GLP1R: variants seen among roughly 807,000 people sequenced by gnomAD.
GLP1R encodes glucagon-like peptide 1 receptor.
GLP1R carries 32 observed loss-of-function variants against 68.4 expected under a neutral mutation model. The observed-to-expected ratio is 0.47, with a 90% confidence interval of 0.35 to 0.63. The LOEUF is 0.63. Among genes scored for constraint, GLP1R ranks in the 20% least tolerant of loss-of-function variants. The probability of loss-of-function intolerance (pLI) is 0.00; values close to 1 mark genes in which losing one functional copy is unlikely to be tolerated. For missense variants in GLP1R, 502 were observed against 594.9 expected (o/e 0.84, Z 1.62); for synonymous variants, 263 against 244.4 (o/e 1.08, Z -0.71).
chr6:39,082,854 C>G (rs555816064), intron 12 of GLP1R, among the ~76,000 whole-genome samples: 1 of 152,088 alleles, frequency 6.6e-6, no homozygotes, highest in South Asian at 2.1e-4. Context: ...CTTGACCCCC[C>G]CACGTCCCCG....
At chr6:39,052,130 C>T (rs990630483) in intron 1 of GLP1R, among the ~76,000 whole-genome samples, 2 of 151,636 alleles carry the variant, frequency 1.3e-5, no homozygotes, top group South Asian at 4.2e-4. Context: ...TGTGATGATG[C>T]GTGTGACCGT....
chr6:39,065,739 C>T lies in GLP1R; in HGVS notation c.312C>T (p.Cys104=). 1 of 1,574,658 alleles carries T rather than the reference C, an allele frequency of 6.4e-7. No homozygotes were observed. Among genetic ancestry groups the T allele is most frequent in the Non-Finnish European group, 8.6e-7 (1 of 1,159,574 alleles). Residue 104 remains cysteine (C), a synonymous_variant, in exon 4 of 13, where the codon TGC becomes TGT. Transcript: ENST00000373256. ...SVPQGHVYRF[C]TAEGLWLQKD... ...CGCAGGGCCACGTGTACCGGTTCTGCACAGCTGAAGGCCTCTGGCTGCAGA... is the reference window on the plus strand; with the variant it reads ...CGCAGGGCCACGTGTACCGGTTCTGTACAGCTGAAGGCCTCTGGCTGCAGA...
At chr6:39,058,947 A>G (rs1768286889) in intron 3 of GLP1R, among the ~76,000 whole-genome samples, 1 of 152,232 alleles carries the variant, frequency 6.6e-6, no homozygotes. Flanking sequence ...GCATGAGGTT[A>G]TGCTCTGGGG....
intron 3 of GLP1R, among the ~76,000 whole-genome samples, chr6:39,063,041 C>A (rs1331845014): frequency 6.6e-6 from 1 of 152,224 alleles, no homozygotes; most frequent in Non-Finnish European, 1.5e-5. Context: ...ATCTTACTAG[C>A]ATCACACGGT....
chr6:39,086,909 T>C lies in GLP1R; in HGVS notation c.*836T>C, dbSNP rs1020316078. On this transcript the variant is annotated 3_prime_UTR_variant, in exon 13 of 13. Transcript: ENST00000373256. The surrounding 1 kb of genome is among the most constrained non-coding windows in gnomAD (Gnocchi z 4.5). ...CTCTGGGGTTCATCTAGGGACACGT[T>C]AGGAATGTCCAGACTGTGGGTGTAG... 1.3e-5 allele frequency: 2 copies of C among 152,698 alleles called. No individual in the cohort carries two copies. Among genetic ancestry groups the C allele is most frequent in the South Asian group, 4.1e-4 (2 of 4,820 alleles). 9.5% of individuals were successfully genotyped at this position (152,698 alleles called of 1,614,324 possible).
chr6:39,079,393 T>G lies in GLP1R; in HGVS notation c.1044-171T>G, dbSNP rs1303696929. On this transcript the variant is annotated intron_variant, in intron 10 of 12. Transcript: ENST00000373256. This position sits in a 1 kb window ranked among gnomAD's most constrained non-coding sequence, Gnocchi z 4.5. ...TGGGCAGCCCCTGGACTTGTTGGGG[T>G]CTTGACCTCTATTCTTTCCCTCCAG... is the stretch of plus-strand genomic sequence containing the variant. Among the ~76,000 whole-genome samples the G allele has an allele frequency of 4.6e-5, 7 of 152,102 alleles. No homozygotes were observed. Among genetic ancestry groups the G allele is most frequent in the African/African-American group, 1.7e-4 (7 of 41,410 alleles).
intron 1 of GLP1R, among the ~76,000 whole-genome samples, chr6:39,055,883 C>T (rs1768199490): frequency 6.6e-6 from 1 of 152,096 alleles, no homozygotes; most frequent in African/African-American, 2.4e-5. Flanking sequence ...ATCTGAAGGA[C>T]TCCAGATTCT....
intron 11 of GLP1R, among the ~76,000 whole-genome samples, chr6:39,080,093 T>C (rs1398584328): frequency 6.6e-6 from 1 of 152,114 alleles, no homozygotes; most frequent in African/African-American, 2.4e-5. Context: ...AAACCAGAGT[T>C]ACGGTGTCAC....
chr6:39,056,667 C>T (rs891060534), intron 2 of GLP1R, among the ~76,000 whole-genome samples, 174 bp downstream of exon 2: 1 of 152,260 alleles, frequency 6.6e-6, no homozygotes, highest in East Asian at 1.9e-4. Context: ...ACCTTCCTTT[C>T]TGCCGACCAA....
At chr6:39,073,820 C>T in intron 7 of GLP1R, 51 bp downstream of exon 7, 1 of 1,512,636 alleles carries the variant, frequency 6.6e-7, no homozygotes. Flanking sequence ...GGTGGGAGAC[C>T]TTGACCCCTC....
In GLP1R at chr6:39,057,710, T is replaced by G. The variant is rs890056707; in HGVS notation, c.283+131T>G. On this transcript the variant is annotated intron_variant, in intron 3 of 12. Coordinates refer to ENST00000373256, the MANE Select transcript of GLP1R (RefSeq NM_002062.5). ...CCTGATACCTGCCCTGGGCCAGCAG[T>G]GGTGAGCCCCCTCCCTGACCTGGTA... 23 of 628,950 alleles carry G rather than the reference T, an allele frequency of 3.7e-5. No individual in the cohort carries two copies. The East Asian group carries it at 6.2e-4, about 17-fold the overall frequency. The allele number at this position is 628,950 out of a possible 1,614,324, so 39.0% of individuals were successfully genotyped here.
At chr6:39,058,084 G>C (rs1044948780) in intron 3 of GLP1R, among the ~76,000 whole-genome samples, 4 of 152,218 alleles carry the variant, frequency 2.6e-5, no homozygotes, top group Non-Finnish European at 5.9e-5. Flanking sequence ...ACCTGGGTCT[G>C]GGCGTGAGGC....
chr6:39,058,783 C>T (rs1768282701), intron 3 of GLP1R, among the ~76,000 whole-genome samples: 1 of 152,190 alleles, frequency 6.6e-6, no homozygotes, highest in Admixed American at 6.5e-5. Context: ...ACCTGCTGTA[C>T]AGATGAGGAA....
intron 4 of GLP1R, 24 bp downstream of exon 4, chr6:39,065,853 C>A: frequency 1.4e-6 from 2 of 1,428,782 alleles, no homozygotes; most frequent in Non-Finnish European, 2.0e-6. Context: ...GGGTTCTGAG[C>A]CAGGGAGCGG....
intron 12 of GLP1R, among the ~76,000 whole-genome samples, chr6:39,085,016 A>T (rs1562020456): frequency 1.3e-5 from 2 of 152,118 alleles, no homozygotes; most frequent in Admixed American, 6.5e-5. Flanking sequence ...AATGTATGGG[A>T]ACATCACCCA....
chr6:39,081,481 G>T (rs969438366), intron 12 of GLP1R, among the ~76,000 whole-genome samples: 2 of 152,190 alleles, frequency 1.3e-5, no homozygotes, highest in African/African-American at 2.4e-5. Flanking sequence ...CAGGACAGCA[G>T]GCCTCCCTCC....
intron 7 of GLP1R, among the ~76,000 whole-genome samples, chr6:39,074,598 A>C (rs1454984089): frequency 6.7e-6 from 1 of 150,260 alleles, no homozygotes; most frequent in African/African-American, 2.5e-5. Flanking sequence ...CCTGCTTGCC[A>C]CTCCTTCATT....
chr6:39,051,363 A>T (rs1170200950), intron 1 of GLP1R, among the ~76,000 whole-genome samples: 2 of 152,144 alleles, frequency 1.3e-5, no homozygotes, highest in Non-Finnish European at 2.9e-5. Context: ...GTCCTTGGGG[A>T]TCCAGAAGTG....
At chr6:39,061,972 C>T (rs187111425) in intron 3 of GLP1R, among the ~76,000 whole-genome samples, 50 of 152,312 alleles carry the variant, frequency 3.3e-4, no homozygotes, top group African/African-American at 1.1e-3. Context: ...GGCCCTGTGC[C>T]TGGCCTCTCT....
Sources: gnomAD v4.1 joint callset for allele counts (sites outside exome capture counted in the v4.1 genomes callset) on GRCh38, gnomAD v4.1.1 for gene constraint, Gnocchi (gnomAD v3.1) non-coding constraint, MANE v1.5 for transcripts, NCBI Gene and HGNC (gene_info 2026-07-23, HGNC 2026-07-21) for gene names.